The following PARVB variants were observed in gnomAD, a reference collection of about 807,000 sequenced individuals.
The protein encoded by PARVB is parvin beta.
Under a neutral mutation model 47.0 loss-of-function variants are expected in PARVB, and 46 were observed. The observed-to-expected ratio is 0.98, with a 90% CI of 0.77 to 1.25. The LOEUF (loss-of-function observed/expected upper bound fraction) is 1.25. PARVB is among the 50% of genes most tolerant of loss of function. The pLI is 0.00. For synonymous variants in PARVB, 196 were observed against 196.3 expected (o/e 1.00, Z 0.01); for missense variants, 473 against 471.6 (o/e 1.00, Z -0.03).
rs375740468 is a variant in PARVB, at chr22:44,155,244, C to T, written c.844-2738C>T. The stretch of plus-strand genomic sequence containing the variant: ...GCAGTGTGAGGACTGGGTGAGATGG[C>T]GCACTGAGATCAAGTGGGCAGGGCT... On this transcript the variant is annotated intron_variant, in intron 10 of 12. Transcript: ENST00000338758. The surrounding 1 kb of genome is among the most constrained non-coding windows in gnomAD (Gnocchi z 4.8). 7.9e-5 allele frequency among the ~76,000 whole-genome samples: 12 copies of T among 152,232 alleles called. No homozygotes were observed. The highest frequency in any genetic ancestry group is 7.7e-4 in the East Asian group (4 of 5,176).
intron 2 of PARVB, among the ~76,000 whole-genome samples, chr22:44,012,395 C>G (rs2050532199): frequency 6.6e-6 from 1 of 152,182 alleles, no homozygotes; most frequent in Non-Finnish European, 1.5e-5. Context: ...GTGGCATGGG[C>G]AGAAGTGTTT....
chr22:44,046,872 G>A (rs1218504654), intron 1 of PARVB, among the ~76,000 whole-genome samples: 2 of 152,192 alleles, frequency 1.3e-5, no homozygotes, highest in African/African-American at 2.4e-5. Flanking sequence ...CCTTATCAGT[G>A]CCGGGAGAGC....
intron 1 of PARVB, among the ~76,000 whole-genome samples, chr22:44,061,797 A>C (rs890333453): frequency 6.6e-6 from 1 of 151,840 alleles, no homozygotes; most frequent in African/African-American, 2.4e-5. Flanking sequence ...TTGTATCTTT[A>C]GTAGAGACGG....
chr22:44,128,486 C>T (rs916388338), intron 4 of PARVB, among the ~76,000 whole-genome samples: 2 of 152,204 alleles, frequency 1.3e-5, no homozygotes, highest in Non-Finnish European at 2.9e-5. Flanking sequence ...GATCATGTGC[C>T]GTATTCTCTG....
chr22:44,069,935 T>C (rs2051619023), intron 1 of PARVB, among the ~76,000 whole-genome samples: 1 of 152,092 alleles, frequency 6.6e-6, no homozygotes, highest in Non-Finnish European at 1.5e-5. Flanking sequence ...CTGTCTTGTC[T>C]TTGGGAGGCA....
chr22:44,103,579 T>TGACTATCATC lies in PARVB; in HGVS notation c.273+3457_273+3466dup, dbSNP rs2052499943. 6.6e-6 allele frequency: 1 copy of TGACTATCATC among 152,222 alleles called. No homozygotes were observed. Among genetic ancestry groups the TGACTATCATC allele is most frequent in the Non-Finnish European group, 1.5e-5 (1 of 68,034 alleles). 9.4% of individuals were successfully genotyped at this position (152,222 alleles called of 1,614,324 possible). A position where few individuals can be genotyped will look rare whatever the true frequency, so the allele number is the denominator to read the frequency against. On this transcript the variant is annotated intron_variant, in intron 3 of 12. Coordinates refer to ENST00000338758, the MANE Select transcript of PARVB (RefSeq NM_013327.5). This position sits in a 1 kb window ranked among gnomAD's most constrained non-coding sequence, Gnocchi z 4.6. ...ACCATGTGATAATCCCTGGAGCCAT[T>TGACTATCATC]GACTATCATCTTACATGGCAAAGGG...
intron 1 of PARVB, among the ~76,000 whole-genome samples, chr22:44,070,242 G>A (rs1163616595): frequency 6.6e-6 from 1 of 152,180 alleles, no homozygotes; most frequent in Non-Finnish European, 1.5e-5. Context: ...GATCGGAATG[G>A]GAGTCAGGAG....
intron 1 of PARVB, among the ~76,000 whole-genome samples, chr22:44,037,429 A>G (rs537463894): frequency 1.3e-5 from 2 of 152,288 alleles, no homozygotes; most frequent in Middle Eastern, 3.4e-3. Context: ...TCTCAAAAAA[A>G]CAAAAACAAA....
intron 4 of PARVB, among the ~76,000 whole-genome samples, chr22:44,123,021 T>C (rs2053105111): frequency 6.6e-6 from 1 of 152,220 alleles, no homozygotes; most frequent in Non-Finnish European, 1.5e-5. Context: ...GTTGCTTCCT[T>C]GAGCTGACCA....
chr22:44,094,435 A>C (rs1187151371), intron 2 of PARVB, among the ~76,000 whole-genome samples: 5 of 152,226 alleles, frequency 3.3e-5, no homozygotes, highest in African/African-American at 1.2e-4. Flanking sequence ...CCACATGGAA[A>C]GCACTAGTGT....
intron 2 of PARVB, among the ~76,000 whole-genome samples, chr22:44,013,592 C>A (rs145288585): frequency 6.6e-6 from 1 of 152,342 alleles, no homozygotes; most frequent in East Asian, 1.9e-4. Context: ...TTGCATCTGT[C>A]TGGCCTCTTT....
At chr22:44,038,204 G>A (rs1355019576) in intron 1 of PARVB, among the ~76,000 whole-genome samples, 1 of 152,214 alleles carries the variant, frequency 6.6e-6, no homozygotes, top group African/African-American at 2.4e-5. Flanking sequence ...TGTCTTCCTG[G>A]GGTGTGGTGC....
At chr22:44,116,412 C>T (rs1416839870) in intron 3 of PARVB, among the ~76,000 whole-genome samples, 1 of 152,226 alleles carries the variant, frequency 6.6e-6, no homozygotes, top group East Asian at 1.9e-4. Context: ...TTCTATCAAC[C>T]ATCACAACCT....
chr22:44,127,787 T>TC (rs1027887717), intron 4 of PARVB, among the ~76,000 whole-genome samples: 1 of 37,818 alleles, frequency 2.6e-5, no homozygotes, highest in Admixed American at 2.6e-4. Context: ...TCCCTCTTCT[T>TC]TTTTTTTTTT....
At chr22:44,056,328 G>A (rs2051311265) in intron 1 of PARVB, among the ~76,000 whole-genome samples, 1 of 152,204 alleles carries the variant, frequency 6.6e-6, no homozygotes, top group South Asian at 2.1e-4. Context: ...CTCCTGCTGA[G>A]TTTTAATTAA....
At chr22:44,110,990 A>G (rs2052683792) in intron 3 of PARVB, 1 of 152,362 alleles carries the variant, frequency 6.6e-6, no homozygotes, top group African/African-American at 2.4e-5. Context: ...TATCTTTTTG[A>G]ACTGCCAAAG....
upstream of PARVB, among the ~76,000 whole-genome samples, chr22:44,023,758 T>C (rs1470027780): frequency 6.6e-6 from 1 of 152,020 alleles, no homozygotes; most frequent in Non-Finnish European, 1.5e-5. Context: ...CTGCAAGCCA[T>C]TTCCTGGGGC....
At chr22:44,139,707 CCTCAAAGTG>C (rs1205924548) in intron 7 of PARVB, 3 of 182,944 alleles carry the variant, frequency 1.6e-5, no homozygotes. Flanking sequence ...CGATTCTGCC[CCTCAAAGTG>C]CTGGGATTAC....
chr22:44,124,517 G>C (rs1347430975), intron 4 of PARVB, among the ~76,000 whole-genome samples: 1 of 152,086 alleles, frequency 6.6e-6, no homozygotes, highest in Non-Finnish European at 1.5e-5. Flanking sequence ...CACTCCCACA[G>C]ATATGCCCCA....
Sources: gnomAD v4.1 joint callset for allele counts (sites outside exome capture counted in the v4.1 genomes callset) on GRCh38, gnomAD v4.1.1 for gene constraint, Gnocchi (gnomAD v3.1) non-coding constraint, MANE v1.5 for transcripts, NCBI Gene and HGNC (gene_info 2026-07-23, HGNC 2026-07-21) for gene names.